The following PPFIBP1 variants were observed in gnomAD, a reference collection of about 807,000 sequenced individuals.
PPFIBP1 encodes the protein liprin-beta-1.
A neutral mutation model predicts 137.8 loss-of-function variants in PPFIBP1; 112 were observed. That is an observed-to-expected ratio of 0.81 (90% CI 0.70 to 0.95). The LOEUF (loss-of-function observed/expected upper bound fraction) is 0.95. Among genes scored for constraint, PPFIBP1 ranks in the 40% least tolerant of loss-of-function variants. The probability of loss-of-function intolerance (pLI) is 0.00; values close to 1 mark genes in which losing one functional copy is unlikely to be tolerated. For missense variants in PPFIBP1, 1,083 were observed against 1,196.6 expected (o/e 0.91, Z 1.40); for synonymous variants, 378 against 417.3 (o/e 0.91, Z 1.15).
At chr12:27,598,191 T>C (rs757995056) in intron 2 of PPFIBP1, among the ~76,000 whole-genome samples, 3 of 152,164 alleles carry the variant, frequency 2.0e-5, no homozygotes, top group Non-Finnish European at 4.4e-5. Flanking sequence ...AATAAAGACA[T>C]ACCCAAGACT....
chr12:27,577,025 GGT>G (rs2050625928), intron 1 of PPFIBP1, among the ~76,000 whole-genome samples: 2 of 152,210 alleles, frequency 1.3e-5, no homozygotes, highest in East Asian at 3.9e-4. Flanking sequence ...TGCTGGGATT[GGT>G]GTGTATATAT....
At chr12:27,565,426 C>A (rs1172762193) in intron 1 of PPFIBP1, among the ~76,000 whole-genome samples, 1 of 152,194 alleles carries the variant, frequency 6.6e-6, no homozygotes, top group Non-Finnish European at 1.5e-5. Flanking sequence ...TAGAACAAAA[C>A]ACATCTGGGA....
At chr12:27,640,099 T>C (rs2058006325) in intron 4 of PPFIBP1, among the ~76,000 whole-genome samples, 1 of 152,178 alleles carries the variant, frequency 6.6e-6, no homozygotes, top group African/African-American at 2.4e-5. Context: ...AGTTTTCCCC[T>C]TAGTCTTCAA....
At chr12:27,580,263 T>C (rs1190740359) in intron 2 of PPFIBP1, among the ~76,000 whole-genome samples, 2 of 152,204 alleles carry the variant, frequency 1.3e-5, no homozygotes, top group Non-Finnish European at 2.9e-5. Flanking sequence ...TCCCTAAAAG[T>C]ATGAATCTTG....
At chr12:27,618,156 A>G (rs1187683767) in intron 2 of PPFIBP1, among the ~76,000 whole-genome samples, 2 of 152,246 alleles carry the variant, frequency 1.3e-5, no homozygotes, top group Non-Finnish European at 2.9e-5. Flanking sequence ...ATGTTTGGTG[A>G]TGATAAAGGA....
At chr12:27,637,831 T>G (rs1453375076) in intron 4 of PPFIBP1, among the ~76,000 whole-genome samples, 5 of 152,218 alleles carry the variant, frequency 3.3e-5, no homozygotes, top group African/African-American at 1.2e-4. Flanking sequence ...TAGAAGATTA[T>G]ATACTTATAA....
intron 2 of PPFIBP1, among the ~76,000 whole-genome samples, chr12:27,618,734 C>A (rs1405154897): frequency 6.6e-6 from 1 of 152,240 alleles, no homozygotes; most frequent in Non-Finnish European, 1.5e-5. Flanking sequence ...CACATGTTCT[C>A]AGGATCTCCT....
At chr12:27,555,369 T>A (rs1431320784) in intron 1 of PPFIBP1, among the ~76,000 whole-genome samples, 1 of 152,358 alleles carries the variant, frequency 6.6e-6, no homozygotes, top group East Asian at 1.9e-4. Flanking sequence ...TTTCTCTAAA[T>A]GTGGCTTTTC....
chr12:27,563,462 A>T (rs1233550454), intron 1 of PPFIBP1, among the ~76,000 whole-genome samples: 2 of 110 alleles, frequency 0.018, no homozygotes, highest in African/African-American at 0.053. Flanking sequence ...ATCTCAAAGA[A>T]AAAAAAAAAA....
intron 2 of PPFIBP1, among the ~76,000 whole-genome samples, chr12:27,596,821 C>T (rs557174820): frequency 1.5e-3 from 230 of 152,314 alleles, no homozygotes; most frequent in African/African-American, 5.2e-3. Flanking sequence ...AAAGAGGAAC[C>T]AAGGCATGAA....
Position 27,689,318 on chromosome 12 carries a change from C to T in PPFIBP1, c.2685+115C>T, listed in dbSNP as rs1286377841. 6.8e-6 allele frequency: 6 copies of T among 885,396 alleles called. 1 individual carries two copies. In the African/African-American group the frequency reaches 7.0e-5, roughly 10 times the overall value. 54.8% of individuals were successfully genotyped at this position (885,396 alleles called of 1,614,324 possible). On this transcript the variant is annotated intron_variant, in intron 27 of 29. Coordinates refer to ENST00000228425, the MANE Select transcript of PPFIBP1 (RefSeq NM_003622.4). The stretch of plus-strand genomic sequence containing the variant: ...TAAGTTTTGTGGGTGGGTTCCTTAC[C>T]AGCAGATGCAGGAATCCTCAGCGCT...
chr12:27,670,665 C>G (rs1274033426), intron 13 of PPFIBP1, among the ~76,000 whole-genome samples: 1 of 151,978 alleles, frequency 6.6e-6, no homozygotes, highest in East Asian at 1.9e-4. Flanking sequence ...GTAGTCCCAA[C>G]TACTTGATAG....
At chr12:27,627,322 A>T (rs1192168568) in intron 2 of PPFIBP1, among the ~76,000 whole-genome samples, 1 of 152,222 alleles carries the variant, frequency 6.6e-6, no homozygotes, top group East Asian at 1.9e-4. Context: ...TAAACTGTTG[A>T]GAAAGGTATG....
At chr12:27,616,813 G>C (rs988781905) in intron 2 of PPFIBP1, among the ~76,000 whole-genome samples, 2 of 152,206 alleles carry the variant, frequency 1.3e-5, no homozygotes, top group Non-Finnish European at 2.9e-5. Context: ...AGTGTGGGGG[G>C]ATCTGGAGTA....
At chr12:27,566,060 AT>A (rs1198486190) in intron 1 of PPFIBP1, among the ~76,000 whole-genome samples, 5 of 151,546 alleles carry the variant, frequency 3.3e-5, no homozygotes, top group Admixed American at 6.6e-5. Context: ...GGATCATGAA[AT>A]TTTTTTTTCC....
chr12:27,600,308 C>T (rs902128363), intron 2 of PPFIBP1, among the ~76,000 whole-genome samples: 5 of 152,014 alleles, frequency 3.3e-5, no homozygotes, highest in East Asian at 3.9e-4. Flanking sequence ...TGGTGGTACA[C>T]GCCTGTAGTC....
chr12:27,679,599 T>C lies in PPFIBP1; in HGVS notation c.1726T>C (p.Ser576Pro). 6.2e-7 allele frequency: 1 copy of C among 1,613,910 alleles called. No individual in the cohort carries two copies. Among genetic ancestry groups the C allele is most frequent in the Non-Finnish European group, 8.5e-7 (1 of 1,179,864 alleles). Residue 576 changes from serine to proline, a missense_variant, in exon 20 of 30, where the codon TCC becomes CCC. Transcript: ENST00000228425. ...CCAGATACCGCCTCCATCTCCAGAT[T>C]CCAAAAAGAAATCCAGAGGTATCAT... is the stretch of plus-strand genomic sequence containing the variant. ...PFQIPPPSPD[S>P]KKKSRGIMKL...
chr12:27,633,557 A>AT (rs1565905871), intron 3 of PPFIBP1, 97 bp downstream of exon 3: 1 of 1,089,596 alleles, frequency 9.2e-7, no homozygotes, highest in Non-Finnish European at 1.3e-6. Context: ...CTTTATTTTC[A>AT]TTTTTTAGAC....
Position 27,664,384 on chromosome 12 carries a change from G to T in PPFIBP1, c.929G>T (p.Arg310Leu), listed in dbSNP as rs370141265. 1 of 1,611,612 alleles carries T rather than the reference G, an allele frequency of 6.2e-7. No homozygotes were observed. Among genetic ancestry groups the T allele is most frequent in the South Asian group, 1.1e-5 (1 of 90,880 alleles). The change falls in exon 12 of 30, where the codon CGA (arginine) becomes CTA (leucine). Residue 310 changes from arginine (R) to leucine (L), a missense_variant. Physicochemically the swap from Arg to Leu is moderately radical, Grantham distance 102. Transcript: ENST00000228425. ...EEKDRKIEDL[R>L]QCLNRYKKMQ... Reference sequence around the variant, plus strand: ...TAGGATCGGAAAATAGAAGATCTTCGACAGTGCCTGAACAGGTACAAGAAA... The same window carrying T: ...TAGGATCGGAAAATAGAAGATCTTCTACAGTGCCTGAACAGGTACAAGAAA...
Sources: gnomAD v4.1 joint callset for allele counts (sites outside exome capture counted in the v4.1 genomes callset) on GRCh38, gnomAD v4.1.1 for gene constraint, MANE v1.5 for transcripts, NCBI Gene and HGNC (gene_info 2026-07-23, HGNC 2026-07-21) for gene names.